The following CEP85L variants were observed in gnomAD, a reference collection of about 807,000 sequenced individuals.
The protein encoded by CEP85L is centrosomal protein of 85 kDa-like.
A neutral mutation model predicts 100.3 loss-of-function variants in CEP85L; 60 were observed. The ratio of observed to expected loss-of-function variants is 0.60; its 90% CI spans 0.49 to 0.74. CEP85L has a LOEUF of 0.74. Ranked by LOEUF, CEP85L falls within the 30% of genes least tolerant of loss-of-function variation. The pLI is 0.00. For missense variants in CEP85L, 973 were observed against 936.2 expected (o/e 1.04, Z -0.51); for synonymous variants, 319 against 322.7 (o/e 0.99, Z 0.12).
In CEP85L at chr6:118,621,769, C is replaced by T. The variant is rs537992058; in HGVS notation, c.232+10684G>A. Among the ~76,000 whole-genome samples, 7 of 152,320 alleles carry T rather than the reference C, an allele frequency of 4.6e-5. No individual in the cohort carries two copies. In the South Asian group the frequency reaches 1.2e-3, roughly 27 times the overall value. ...AATTGAGCCTATACTGGCTTATCCT[C>T]GCCCTAAGACATTGAAACAGTTGCA... On this transcript the variant is annotated intron_variant, in intron 2 of 12. Coordinates refer to ENST00000368491, the MANE Select transcript of CEP85L (RefSeq NM_001042475.3).
intron 2 of CEP85L, among the ~76,000 whole-genome samples, chr6:118,587,749 C>G (rs962562918): frequency 6.6e-6 from 1 of 152,126 alleles, no homozygotes; most frequent in African/African-American, 2.4e-5. Context: ...GGGCATATTA[C>G]GTCTCTAATT....
At chr6:118,503,935 T>A (rs962552142) in intron 5 of CEP85L, among the ~76,000 whole-genome samples, 17 of 151,398 alleles carry the variant, frequency 1.1e-4, no homozygotes, top group African/African-American at 4.1e-4. Context: ...ACTGATAAGC[T>A]GGACTTCATT....
At chr6:118,623,584 A>G (rs967942359) in intron 2 of CEP85L, among the ~76,000 whole-genome samples, 1 of 152,106 alleles carries the variant, frequency 6.6e-6, no homozygotes, top group African/African-American at 2.4e-5. Flanking sequence ...ATGAAACACT[A>G]AAGAGGCATT....
intron 2 of CEP85L, among the ~76,000 whole-genome samples, chr6:118,569,166 A>T (rs1779722608): frequency 6.6e-6 from 1 of 151,598 alleles, no homozygotes; most frequent in Middle Eastern, 3.2e-3. Flanking sequence ...CAATAATGAA[A>T]CTCCATCTCT....
At chr6:118,483,399 T>C (rs1310722778) in intron 7 of CEP85L, among the ~76,000 whole-genome samples, 3 of 152,046 alleles carry the variant, frequency 2.0e-5, no homozygotes, top group African/African-American at 7.2e-5. Flanking sequence ...GAGACTGTGT[T>C]GGAAAGCACC....
chr6:118,660,958 T>C (rs1351867145), intron 1 of CEP85L, among the ~76,000 whole-genome samples: 3 of 152,196 alleles, frequency 2.0e-5, no homozygotes, highest in African/African-American at 4.8e-5. Flanking sequence ...TGATCTCGGC[T>C]CACTGCAATC....
At chr6:118,502,638 G>A (rs9481819) in intron 5 of CEP85L, 304,222 of 463,336 alleles carry the variant, frequency 0.66, 103,876 homozygotes, top group Non-Finnish European at 0.71. Flanking sequence ...AACCTGATGA[G>A]ACCAACAAAT....
At chr6:118,477,900 G>A (rs956050333) in intron 10 of CEP85L, among the ~76,000 whole-genome samples, 1 of 152,032 alleles carries the variant, frequency 6.6e-6, no homozygotes, top group Non-Finnish European at 1.5e-5. Context: ...ATTATATAGT[G>A]TTTTGTGTTA....
intron 5 of CEP85L, among the ~76,000 whole-genome samples, chr6:118,496,202 A>G (rs1384245204): frequency 6.6e-6 from 1 of 152,172 alleles, no homozygotes; most frequent in East Asian, 1.9e-4. Context: ...GAATTTAGCA[A>G]CATTTTGCAG....
chr6:118,571,259 T>A (rs1779870294), intron 2 of CEP85L, among the ~76,000 whole-genome samples: 2 of 152,194 alleles, frequency 1.3e-5, no homozygotes, highest in South Asian at 4.1e-4. Context: ...AAATCCCAAA[T>A]GCAAGTTATT....
In CEP85L at chr6:118,566,012, T is replaced by C. The variant is rs112730587; in HGVS notation, c.537A>G (p.Ser179=). ...GQGGTVCREE[S]RNGLEKIGKA... ...TCCCTATCTTCTCCAAACCATTCCT[T>C]GACTCTTCTCTGCATACAGTGCCAC... The change falls in exon 3 of 13, where the codon TCA becomes TCG. Residue 179 remains serine, a synonymous_variant. Coordinates refer to ENST00000368491, the MANE Select transcript of CEP85L (RefSeq NM_001042475.3). 6.4e-5 allele frequency: 103 copies of C among 1,614,118 alleles called. No individual in the cohort carries two copies. The highest frequency in any genetic ancestry group is 8.6e-5 in the Non-Finnish European group (101 of 1,180,048).
intron 2 of CEP85L, among the ~76,000 whole-genome samples, chr6:118,584,070 T>C (rs930126091): frequency 1.2e-4 from 19 of 152,338 alleles, no homozygotes; most frequent in Non-Finnish European, 2.1e-4. Flanking sequence ...CCTCATCTGT[T>C]TGGACAGGCA....
chr6:118,604,592 G>A (rs1284332277), intron 2 of CEP85L, among the ~76,000 whole-genome samples: 1 of 152,054 alleles, frequency 6.6e-6, no homozygotes, highest in African/African-American at 2.4e-5. Flanking sequence ...TAACTTTTAC[G>A]TTTGGTGAAA....
At chr6:118,674,684 G>A (rs922169108) in intron 1 of CEP85L, among the ~76,000 whole-genome samples, 1 of 152,134 alleles carries the variant, frequency 6.6e-6, no homozygotes. Context: ...GAAGATATAC[G>A]CATGACCATA....
chr6:118,688,568 A>G (rs890555387), intron 1 of CEP85L, among the ~76,000 whole-genome samples: 20 of 152,178 alleles, frequency 1.3e-4, no homozygotes, highest in African/African-American at 4.6e-4. Context: ...GTAAATTTAT[A>G]TTTTTATTTA....
At chr6:118,655,395 T>C (rs1288112881), upstream of CEP85L, among the ~76,000 whole-genome samples, 1 of 152,200 alleles carries the variant, frequency 6.6e-6, no homozygotes, top group African/African-American at 2.4e-5. Context: ...ACCATCAATG[T>C]TTTCAGGAAC....
In CEP85L at chr6:118,629,363, G is replaced by A. The variant is rs571668430; in HGVS notation, c.232+3090C>T. 3.1e-4 allele frequency among the ~76,000 whole-genome samples: 47 copies of A among 152,206 alleles called. No homozygotes were observed. The South Asian group carries it at 8.7e-3, about 28-fold the overall frequency. On this transcript the variant is annotated intron_variant, in intron 2 of 12. Coordinates refer to ENST00000368491, the MANE Select transcript of CEP85L (RefSeq NM_001042475.3). The stretch of plus-strand genomic sequence containing the variant: ...AACTAACAACCCAATTAAGAAATGG[G>A]CTTTATAAAGACCTTTACAGAGACC...
At position 118,651,513 on chromosome 6, in the gene CEP85L, C is replaced by T. The variant is rs1448191071; in HGVS notation, c.-244G>A. ...GAGGCCCGCGCCGGGGAAGCGGCGACTCGGCGGTGACGGCTGCTAGATCCC... is the reference window on the plus strand; with the variant it reads ...GAGGCCCGCGCCGGGGAAGCGGCGATTCGGCGGTGACGGCTGCTAGATCCC... On this transcript the variant is annotated 5_prime_UTR_variant, in exon 1 of 13. Transcript: ENST00000368491. 18 of 1,267,634 alleles carry T rather than the reference C, an allele frequency of 1.4e-5. No homozygotes were observed. The highest frequency in any genetic ancestry group is 6.5e-5 in the East Asian group (2 of 30,938). The allele number at this position is 1,267,634 out of a possible 1,614,324, so 78.5% of individuals were successfully genotyped here.
chr6:118,613,407 TTATAAC>T (rs1414869228), intron 2 of CEP85L, among the ~76,000 whole-genome samples: 1 of 152,134 alleles, frequency 6.6e-6, no homozygotes, highest in Non-Finnish European at 1.5e-5. Context: ...TTGAATTACT[TTATAAC>T]TATTAAGGAA....
Sources: gnomAD v4.1 joint callset for allele counts (sites outside exome capture counted in the v4.1 genomes callset) on GRCh38, gnomAD v4.1.1 for gene constraint, MANE v1.5 for transcripts, NCBI Gene and HGNC (gene_info 2026-07-23, HGNC 2026-07-21) for gene names.